Variants in DNAH7 observed in about 807,000 individuals in gnomAD.
The protein encoded by DNAH7 is axonemal beta dynein heavy chain 7.
Under a neutral mutation model 444.6 loss-of-function variants are expected in DNAH7, and 397 were observed. The observed-to-expected ratio is 0.89, with a 90% CI of 0.82 to 0.97. The LOEUF (loss-of-function observed/expected upper bound fraction) is 0.97, where lower values mean the gene tolerates loss of function less well. DNAH7 is among the 50% of genes least tolerant of loss of function. The pLI is 0.00. For missense variants in DNAH7, 4,902 were observed against 4,800.8 expected, an observed-to-expected ratio of 1.02 and a Z score of -0.62; for synonymous variants, 1,636 against 1,624.4, an observed-to-expected ratio of 1.01 and a Z score of -0.17.
intron 39 of DNAH7, among the ~76,000 whole-genome samples, chr2:195,872,866 T>C (rs1700802727): frequency 6.6e-6 from 1 of 150,508 alleles, no homozygotes; most frequent in Admixed American, 6.6e-5. Flanking sequence ...GGAACACTGG[T>C]GAAACAGGTA....
rs770363053 is a variant in DNAH7 at position 195,926,527 on chromosome 2, G to A, written c.3511C>T (p.Arg1171Ter). 8.1e-6 allele frequency: 13 copies of A among 1,599,594 alleles called. No individual in the cohort carries two copies. The highest frequency in any genetic ancestry group is 1.1e-5 in the South Asian group (1 of 88,710). Residue 1171 changes from arginine to a stop codon, truncating the protein, a stop_gained, in exon 22 of 65, where the codon CGA becomes TGA. Transcript: ENST00000312428. LOFTEE classifies it high-confidence loss of function. ...GGCCAATCCCTTACCCAGTTAATTC[G>A]TTCATATTTTGTATAGGCAAAAGTT... is the stretch of plus-strand genomic sequence containing the variant. ...DATFAYTKYE[R>*]INWVRDWPGQ...
chr2:195,908,447 G>A (rs890226396), intron 25 of DNAH7, among the ~76,000 whole-genome samples: 9 of 151,752 alleles, frequency 5.9e-5, no homozygotes, highest in South Asian at 4.2e-4. Context: ...CCACCTTCGC[G>A]CCCTTCCATT....
rs376780125 is a variant in DNAH7, at chr2:195,799,463, T to C, written c.10186A>G (p.Met3396Val). 5.6e-5 allele frequency: 90 copies of C among 1,598,368 alleles called. No individual in the cohort carries two copies. Among genetic ancestry groups the C allele is most frequent in the Non-Finnish European group, 7.2e-5 (85 of 1,173,326 alleles). ...RCLRPDKVIP[M>V]LQEFIINRLG... Reference sequence around the variant, plus strand: ...CTGTTGATTATAAATTCCTGCAACATTGGAATAACCTAGAAAGAGACAAGG... The same window carrying C: ...CTGTTGATTATAAATTCCTGCAACACTGGAATAACCTAGAAAGAGACAAGG... The change falls in exon 55 of 65, where the codon ATG becomes GTG. Residue 3396 changes from methionine (M) to valine (V), a missense_variant. By Grantham distance (21) the Met-to-Val change is conservative. Coordinates refer to ENST00000312428, the MANE Select transcript of DNAH7 (RefSeq NM_018897.3).
chr2:195,992,995 C>T (rs931198293), intron 12 of DNAH7, among the ~76,000 whole-genome samples: 2 of 152,206 alleles, frequency 1.3e-5, no homozygotes, highest in Non-Finnish European at 2.9e-5. Context: ...GAAAATGCCA[C>T]TCACACAATG....
intron 44 of DNAH7, among the ~76,000 whole-genome samples, chr2:195,856,827 A>AT (rs892202646): frequency 2.1e-4 from 32 of 151,666 alleles, no homozygotes; most frequent in East Asian, 1.9e-3. Context: ...GTGATGGTGG[A>AT]TTTTTTTTTA....
At chr2:195,790,639 T>C (rs901748375) in intron 57 of DNAH7, among the ~76,000 whole-genome samples, 3 of 152,164 alleles carry the variant, frequency 2.0e-5, no homozygotes, top group Non-Finnish European at 4.4e-5. Flanking sequence ...GCTAGCCATA[T>C]GCAGAAGAAT....
At chr2:195,928,384 C>A (rs576494825) in intron 21 of DNAH7, among the ~76,000 whole-genome samples, 67 of 152,224 alleles carry the variant, frequency 4.4e-4, no homozygotes, top group African/African-American at 1.4e-3. Flanking sequence ...TAAATATTAT[C>A]AGATATACAT....
chr2:196,024,876 T>G (rs183921422), intron 7 of DNAH7, among the ~76,000 whole-genome samples: 4 of 152,008 alleles, frequency 2.6e-5, no homozygotes, highest in Non-Finnish European at 5.9e-5. Context: ...AAAAGGTACA[T>G]ACACTTGGCC....
chr2:195,953,505 A>G (rs1690412504), intron 19 of DNAH7, among the ~76,000 whole-genome samples: 1 of 152,112 alleles, frequency 6.6e-6, no homozygotes, highest in African/African-American at 2.4e-5. Flanking sequence ...AGCAGGTAGG[A>G]ACGTTTAAGT....
At chr2:195,768,212 T>G (rs919388142) in intron 61 of DNAH7, among the ~76,000 whole-genome samples, 10 of 147,970 alleles carry the variant, frequency 6.8e-5, no homozygotes, top group Non-Finnish European at 1.2e-4. Context: ...ATTATAAATA[T>G]ATATCTTTAA....
intron 21 of DNAH7, among the ~76,000 whole-genome samples, chr2:195,927,122 T>A (rs1302994755): frequency 6.6e-6 from 1 of 152,076 alleles, no homozygotes; most frequent in African/African-American, 2.4e-5. Flanking sequence ...TACGATTCAT[T>A]CATGGAGAGT....
At chr2:195,799,220 A>G (rs1696325344) in intron 55 of DNAH7, 76 bp downstream of exon 55, 1 of 1,246,580 alleles carries the variant, frequency 8.0e-7, no homozygotes, top group African/African-American at 1.5e-5. Context: ...CCTTTCCCTC[A>G]TCCTTAAAAT....
intron 12 of DNAH7, among the ~76,000 whole-genome samples, chr2:195,991,538 T>C (rs1693342353): frequency 6.6e-6 from 1 of 152,190 alleles, no homozygotes. Flanking sequence ...TCTGGCAGTG[T>C]TTACAAATTA....
intron 42 of DNAH7, among the ~76,000 whole-genome samples, chr2:195,859,208 T>G (rs745807738): frequency 6.6e-6 from 1 of 152,200 alleles, no homozygotes; most frequent in Non-Finnish European, 1.5e-5. Flanking sequence ...CGCACTTCAG[T>G]GCTCAAAATA....
At chr2:195,783,215 C>T (rs948376319) in intron 58 of DNAH7, among the ~76,000 whole-genome samples, 2 of 152,206 alleles carry the variant, frequency 1.3e-5, no homozygotes, top group Non-Finnish European at 2.9e-5. Flanking sequence ...TGTATCTCTA[C>T]CATGTTCCCT....
At chr2:195,978,098 A>G (rs2125597449) in intron 15 of DNAH7, among the ~76,000 whole-genome samples, 2 of 152,248 alleles carry the variant, frequency 1.3e-5, no homozygotes, top group Middle Eastern at 3.4e-3. Flanking sequence ...AAAAACACAG[A>G]CTATTATAAC....
chr2:195,956,639 A>T (rs973900106), intron 19 of DNAH7, among the ~76,000 whole-genome samples: 2 of 139,154 alleles, frequency 1.4e-5, no homozygotes, highest in African/African-American at 6.4e-5. Context: ...TGACAGAGCG[A>T]GACTCTGTCT....
chr2:196,036,027 CTTTTTTTTTTT>C, intron 5 of DNAH7, among the ~76,000 whole-genome samples: 1 of 129,494 alleles, frequency 7.7e-6, no homozygotes, highest in Admixed American at 7.9e-5. Flanking sequence ...TCTCCACATT[CTTTTTTTTTTT>C]TTTTTTTTTC....
chr2:195,936,817 C>G (rs759077453), intron 19 of DNAH7, 25 bp from the exon 20 acceptor site: 2 of 1,449,646 alleles, frequency 1.4e-6, no homozygotes, highest in African/African-American at 2.9e-5. Flanking sequence ...AAAAAACACT[C>G]AATTCAAAAA....
Sources: gnomAD v4.1 joint callset for allele counts (sites outside exome capture counted in the v4.1 genomes callset) on GRCh38, gnomAD v4.1.1 for gene constraint, MANE v1.5 for transcripts, NCBI Gene and HGNC (gene_info 2026-07-23, HGNC 2026-07-21) for gene names.